TSPEAR: variants seen among roughly 807,000 people sequenced by gnomAD.
The protein encoded by TSPEAR is thrombospondin-type laminin G domain and EAR repeat-containing protein.
A neutral mutation model predicts 71.6 loss-of-function variants in TSPEAR; 69 were observed. The observed-to-expected ratio is 0.96, with a 90% confidence interval of 0.79 to 1.18. The LOEUF is 1.18. Among genes scored for constraint, TSPEAR ranks in the 50% most tolerant of loss-of-function variants. The pLI is 0.00. For missense variants in TSPEAR, 971 were observed against 894.9 expected, an observed-to-expected ratio of 1.09 and a Z score of -1.09; for synonymous variants, 402 against 387.2, an observed-to-expected ratio of 1.04 and a Z score of -0.45.
intron 11 of TSPEAR, among the ~76,000 whole-genome samples, chr21:44,501,604 A>G (rs2052032183): frequency 6.6e-6 from 1 of 152,132 alleles, no homozygotes; most frequent in South Asian, 2.1e-4. Flanking sequence ...CTCCAAAAAG[A>G]AAAAATAAAA....
At chr21:44,683,908 C>G (rs1448117099) in intron 1 of TSPEAR, among the ~76,000 whole-genome samples, 1 of 152,132 alleles carries the variant, frequency 6.6e-6, no homozygotes, top group African/African-American at 2.4e-5. Context: ...AAATGGGAAT[C>G]CTAGAACTGA....
Position 44,711,435 on chromosome 21 carries a change from G to A in TSPEAR, c.80C>T (p.Thr27Ile). 2 of 1,601,980 alleles carry A rather than the reference G, an allele frequency of 1.2e-6. No homozygotes were observed. Among genetic ancestry groups the A allele is most frequent in the Non-Finnish European group, 1.7e-6 (2 of 1,174,792 alleles). The change falls in exon 1 of 12, where the codon ACA (threonine) becomes ATA (isoleucine). Residue 27 changes from threonine to isoleucine, a missense_variant and splice_region_variant. By Grantham distance (89) the Thr-to-Ile change is moderately conservative. Coordinates refer to ENST00000323084, the MANE Select transcript of TSPEAR (RefSeq NM_144991.3). This position sits in a 1 kb window ranked among gnomAD's most constrained non-coding sequence, Gnocchi z 4.5. ...GHGTQGWEPC[T>I]DLRPLDILAE... The stretch of plus-strand genomic sequence containing the variant: ...GAGTTCCCATGCCCCTGCCTTACCT[G>A]TGCAGGGCTCCCAACCCTGCGTGCC...
chr21:44,523,005 G>C (rs1177850886), intron 8 of TSPEAR, among the ~76,000 whole-genome samples: 1 of 152,134 alleles, frequency 6.6e-6, no homozygotes, highest in African/African-American at 2.4e-5. Context: ...TCAGTCATCA[G>C]TTAGTCACTG....
rs782057004 is a variant in TSPEAR, at chr21:44,506,635, G to A, written c.1755-1754C>T. Among the ~76,000 whole-genome samples the A allele has an allele frequency of 1.3e-5, 2 of 152,228 alleles. No individual in the cohort carries two copies. Among genetic ancestry groups the A allele is most frequent in the Non-Finnish European group, 2.9e-5 (2 of 68,040 alleles). ...TCCATTAATGGTGGGTTATGATTTG[G>A]TTCCCATGCAGCCCGTGCCAGCTCG... is the stretch of plus-strand genomic sequence containing the variant. On this transcript the variant is annotated intron_variant, in intron 10 of 11. Coordinates refer to ENST00000323084, the MANE Select transcript of TSPEAR (RefSeq NM_144991.3). The surrounding 1 kb of genome is among the most constrained non-coding windows in gnomAD (Gnocchi z 4.2).
At chr21:44,643,057 C>T (rs114432335) in intron 1 of TSPEAR, among the ~76,000 whole-genome samples, 1,660 of 152,238 alleles carry the variant, frequency 0.011, 29 homozygotes, top group African/African-American at 0.038. Flanking sequence ...GGTGCATATG[C>T]ATGATGGAAT....
intron 2 of TSPEAR, among the ~76,000 whole-genome samples, chr21:44,543,067 A>G (rs182822243): frequency 6.6e-6 from 1 of 152,322 alleles, no homozygotes; most frequent in Admixed American, 6.5e-5. Context: ...AAATGAGAAC[A>G]GAATAATGAC....
At chr21:44,527,030 A>AG (rs1357195014) in intron 7 of TSPEAR, among the ~76,000 whole-genome samples, 1 of 152,206 alleles carries the variant, frequency 6.6e-6, no homozygotes, top group East Asian at 1.9e-4. Flanking sequence ...TGTAGTGACG[A>AG]GGGGTCTATG....
In TSPEAR at chr21:44,711,320, G is replaced by A. The variant is rs1272142779; in HGVS notation, c.82+113C>T. On this transcript the variant is annotated intron_variant, in intron 1 of 11. Coordinates refer to ENST00000323084, the MANE Select transcript of TSPEAR (RefSeq NM_144991.3). The surrounding 1 kb of genome is among the most constrained non-coding windows in gnomAD (Gnocchi z 4.5). ...TGCTACCTGCCAGTCCTGCCAAAGC[G>A]TCCTCGGGCACCGCGGCTTGAATCA... 4.1e-6 allele frequency: 4 copies of A among 976,328 alleles called. No individual in the cohort carries two copies. The South Asian group carries it at 6.5e-5, about 16-fold the overall frequency. The allele number at this position is 976,328 out of a possible 1,614,324, so 60.5% of individuals were successfully genotyped here. A position where few individuals can be genotyped will look rare whatever the true frequency, so the allele number is the denominator to read the frequency against.
chr21:44,558,860 G>T, intron 2 of TSPEAR: 1 of 1,047,452 alleles, frequency 9.5e-7, no homozygotes, highest in Non-Finnish European at 1.4e-6. Flanking sequence ...CCCCTGCCTG[G>T]CTTCGAGAAG....
intron 1 of TSPEAR, among the ~76,000 whole-genome samples, chr21:44,622,222 G>C (rs1284778170): frequency 6.6e-6 from 1 of 152,188 alleles, no homozygotes; most frequent in Admixed American, 6.5e-5. Context: ...CTGCTGTGCA[G>C]GACTGGCAAG....
At chr21:44,524,987 T>G (rs2052821297) in intron 8 of TSPEAR, among the ~76,000 whole-genome samples, 1 of 151,528 alleles carries the variant, frequency 6.6e-6, no homozygotes, top group Non-Finnish European at 1.5e-5. Flanking sequence ...AGTCAGTCAG[T>G]CAGTGAGGCA....
intron 1 of TSPEAR, among the ~76,000 whole-genome samples, chr21:44,625,816 T>C (rs199781604): frequency 8.0e-5 from 2 of 25,154 alleles, no homozygotes; most frequent in Middle Eastern, 0.025. Flanking sequence ...CAGCTGCTTC[T>C]GCCTCTTCAG....
At chr21:44,568,089 A>G in intron 1 of TSPEAR, 84 bp from the exon 2 acceptor site, 4 of 1,079,298 alleles carry the variant, frequency 3.7e-6, no homozygotes, top group Non-Finnish European at 5.1e-6. Flanking sequence ...ATGGGGCATC[A>G]GCGTGGCAGG....
chr21:44,513,846 T>G (rs1273988683), intron 9 of TSPEAR, among the ~76,000 whole-genome samples: 1 of 151,960 alleles, frequency 6.6e-6, no homozygotes, highest in Non-Finnish European at 1.5e-5. Context: ...AAGCCCTGGT[T>G]GGGGGGGCAG....
rs1356102448 is a variant in TSPEAR at position 44,506,471 on chromosome 21, G to A, written c.1755-1590C>T. Among the ~76,000 whole-genome samples the A allele has an allele frequency of 1.3e-5, 2 of 152,278 alleles. No individual in the cohort carries two copies. Among genetic ancestry groups the A allele is most frequent in the African/African-American group, 2.4e-5 (1 of 41,480 alleles). The stretch of plus-strand genomic sequence containing the variant: ...TTCCCTGCAGGCAGTTGTGGGGCCG[G>A]CCTGCAGCAGGGGCTCAGACAGGGC... On this transcript the variant is annotated intron_variant, in intron 10 of 11. Coordinates refer to ENST00000323084, the MANE Select transcript of TSPEAR (RefSeq NM_144991.3). This position sits in a 1 kb window ranked among gnomAD's most constrained non-coding sequence, Gnocchi z 4.2.
chr21:44,609,132 C>T (rs782711317), intron 1 of TSPEAR, among the ~76,000 whole-genome samples: 1 of 152,182 alleles, frequency 6.6e-6, no homozygotes, highest in East Asian at 1.9e-4. Flanking sequence ...CCATAGAACA[C>T]GCAAAGCTAA....
intron 1 of TSPEAR, among the ~76,000 whole-genome samples, chr21:44,696,918 AGAAGCC>A (rs1243482480): frequency 1.3e-5 from 2 of 152,196 alleles, no homozygotes; most frequent in East Asian, 3.8e-4. Flanking sequence ...CAACAAGGAA[AGAAGCC>A]TGGGGCCTTG....
At chr21:44,548,310 G>A (rs1555918005) in intron 2 of TSPEAR, among the ~76,000 whole-genome samples, 2 of 152,192 alleles carry the variant, frequency 1.3e-5, no homozygotes, top group East Asian at 3.9e-4. Flanking sequence ...GATGGGGCAA[G>A]GGGGAGTTAA....
Position 44,687,214 on chromosome 21 carries a change from G to A in TSPEAR, c.82+24219C>T, listed in dbSNP as rs568256852. Among the ~76,000 whole-genome samples the A allele has an allele frequency of 6.6e-6, 1 of 152,308 alleles. No homozygotes were observed. Among genetic ancestry groups the A allele is most frequent in the East Asian group, 1.9e-4 (1 of 5,188 alleles). Reference sequence around the variant, plus strand: ...GCTGGATTGGGGCCACTGAGGCGGTGTGACAGGGAGGTAGATTTCAGCTCA... The same window carrying A: ...GCTGGATTGGGGCCACTGAGGCGGTATGACAGGGAGGTAGATTTCAGCTCA... On this transcript the variant is annotated intron_variant, in intron 1 of 11. Transcript: ENST00000323084. This position sits in a 1 kb window ranked among gnomAD's most constrained non-coding sequence, Gnocchi z 4.4.
Sources: gnomAD v4.1 joint callset for allele counts (sites outside exome capture counted in the v4.1 genomes callset) on GRCh38, gnomAD v4.1.1 for gene constraint, Gnocchi (gnomAD v3.1) non-coding constraint, MANE v1.5 for transcripts, NCBI Gene and HGNC (gene_info 2026-07-23, HGNC 2026-07-21) for gene names.